Variants in INPP5B observed in about 807,000 individuals in gnomAD.
INPP5B encodes type II inositol 1,4,5-trisphosphate 5-phosphatase.
Under a neutral mutation model 118.5 loss-of-function variants are expected in INPP5B, and 90 were observed. The observed-to-expected ratio is 0.76, with a 90% CI of 0.64 to 0.90. The LOEUF (loss-of-function observed/expected upper bound fraction) is 0.90. Ranked by LOEUF, INPP5B falls within the 40% of genes least tolerant of loss-of-function variation. The pLI, the probability that INPP5B is intolerant of heterozygous loss-of-function variation, is 0.00. For missense variants in INPP5B, 984 were observed against 1,125.6 expected, an observed-to-expected ratio of 0.87 and a Z score of 1.80; for synonymous variants, 385 against 418.9, an observed-to-expected ratio of 0.92 and a Z score of 0.99.
intron 7 of INPP5B, among the ~76,000 whole-genome samples, chr1:37,920,589 C>T (rs956941803): frequency 6.6e-5 from 10 of 151,520 alleles, no homozygotes; most frequent in Non-Finnish European, 1.2e-4. Flanking sequence ...CACTTGGACC[C>T]AGGAGGCGGA....
At chr1:37,887,058 C>G in intron 11 of INPP5B, 54 bp from the exon 12 acceptor site, 1 of 1,419,944 alleles carries the variant, frequency 7.0e-7, no homozygotes, top group South Asian at 1.2e-5. Context: ...AATAAATACC[C>G]CAAAGGAAAC....
At chr1:37,909,735 T>C (rs1160414661) in intron 7 of INPP5B, among the ~76,000 whole-genome samples, 1 of 152,158 alleles carries the variant, frequency 6.6e-6, no homozygotes, top group Non-Finnish European at 1.5e-5. Context: ...AATTAGATTC[T>C]GGCCTTCAAC....
chr1:37,927,294 C>T (rs1190514409), intron 7 of INPP5B, among the ~76,000 whole-genome samples: 1 of 142,732 alleles, frequency 7.0e-6, no homozygotes, highest in Non-Finnish European at 1.5e-5. Context: ...GACTCCGTCT[C>T]AAAAAAAAAA....
At chr1:37,923,848 T>C (rs1645135552) in intron 7 of INPP5B, among the ~76,000 whole-genome samples, 1 of 151,832 alleles carries the variant, frequency 6.6e-6, no homozygotes, top group Admixed American at 6.6e-5. Flanking sequence ...TGATCTCTGC[T>C]CACTGCAACC....
rs192304890 is a variant in INPP5B at position 37,889,357 on chromosome 1, C to T, written c.797+200G>A. Among the ~76,000 whole-genome samples, 5 of 152,324 alleles carry T rather than the reference C, an allele frequency of 3.3e-5. No homozygotes were observed. In the East Asian group the frequency reaches 7.7e-4, roughly 23 times the overall value. ...TCGTGTCACTCCCACTATACCACACCTATCACCGTGCCCACCTAGAAAGGG... is the reference window on the plus strand; with the variant it reads ...TCGTGTCACTCCCACTATACCACACTTATCACCGTGCCCACCTAGAAAGGG... On this transcript the variant is annotated intron_variant, in intron 9 of 23. Coordinates refer to ENST00000373024, the MANE Select transcript of INPP5B (RefSeq NM_005540.3).
At chr1:37,875,276 C>CT (rs146816630) in intron 17 of INPP5B, among the ~76,000 whole-genome samples, 14,460 of 150,322 alleles carry the variant, frequency 0.096, 851 homozygotes, top group Middle Eastern at 0.24. Context: ...CAACACTAAT[C>CT]TTTTTTTTTT....
intron 7 of INPP5B, among the ~76,000 whole-genome samples, chr1:37,904,986 G>A (rs1644458014): frequency 6.6e-6 from 1 of 152,190 alleles, no homozygotes; most frequent in Non-Finnish European, 1.5e-5. Context: ...TAAGAATTGG[G>A]TTTAACATTA....
At chr1:37,883,948 G>T in intron 13 of INPP5B, 1 of 643,568 alleles carries the variant, frequency 1.6e-6, no homozygotes, top group Non-Finnish European at 1.9e-6. Context: ...AAGTTGTAGA[G>T]ATAAATGAGA....
At chr1:37,888,384 A>G in intron 9 of INPP5B, 40 bp from the exon 10 acceptor site, 2 of 1,307,490 alleles carry the variant, frequency 1.5e-6, no homozygotes, top group East Asian at 2.6e-5. Flanking sequence ...CCGAATCACT[A>G]TGGAGATAAC....
At chr1:37,913,224 T>A (rs1206240931) in intron 7 of INPP5B, among the ~76,000 whole-genome samples, 1 of 152,164 alleles carries the variant, frequency 6.6e-6, no homozygotes, top group East Asian at 1.9e-4. Context: ...GCCACTGCAC[T>A]CCAGCCTGGG....
intron 7 of INPP5B, among the ~76,000 whole-genome samples, chr1:37,892,967 A>C (rs1473655199): frequency 6.6e-6 from 1 of 152,114 alleles, no homozygotes; most frequent in East Asian, 1.9e-4. Context: ...CAGACATTGA[A>C]TCTGCCAGCA....
At chr1:37,912,299 A>T (rs1441232976) in intron 7 of INPP5B, among the ~76,000 whole-genome samples, 1 of 152,156 alleles carries the variant, frequency 6.6e-6, no homozygotes, top group Non-Finnish European at 1.5e-5. Flanking sequence ...ATCATTCCAG[A>T]ATAAAGCTGT....
chr1:37,894,805 G>C (rs1193001404), intron 7 of INPP5B, among the ~76,000 whole-genome samples: 1 of 152,110 alleles, frequency 6.6e-6, no homozygotes, highest in Admixed American at 6.6e-5. Context: ...AGGTCTCCCA[G>C]TGCTGGGATT....
In INPP5B at chr1:37,868,506, G is replaced by A. The variant is rs891102753; in HGVS notation, c.2296C>T (p.Gln766Ter). ...AATGCTTAAACACAACCTACCTGCT[G>A]GACAGCATTTCGGTACAGGTAATCA... is the stretch of plus-strand genomic sequence containing the variant. ...MVDYLYRNAVQQEDLFQQPGL... is the reference protein window; with the variant it reads ...MVDYLYRNAV The change falls in exon 20 of 24, where the codon CAG (glutamine) becomes TAG (stop). Residue 766 changes from glutamine (Q) to a stop codon, truncating the protein, a stop_gained. Transcript: ENST00000373024. LOFTEE classifies it high-confidence loss of function. 1.2e-6 allele frequency: 2 copies of A among 1,610,406 alleles called. No homozygotes were observed.
intron 20 of INPP5B, among the ~76,000 whole-genome samples, 177 bp downstream of exon 20, chr1:37,868,324 A>AG (rs1642178565): frequency 6.6e-6 from 1 of 151,770 alleles, no homozygotes; most frequent in Non-Finnish European, 1.5e-5. Flanking sequence ...AAAAAAAAAA[A>AG]AAAAAAAAAT....
At chr1:37,900,340 C>T (rs1456893674) in intron 7 of INPP5B, among the ~76,000 whole-genome samples, 73 of 151,164 alleles carry the variant, frequency 4.8e-4, no homozygotes, top group Non-Finnish European at 8.9e-4. Context: ...CTGCAACCTC[C>T]GCCTCCAAGG....
In INPP5B at chr1:37,891,342, G is replaced by T; in HGVS notation, c.629+16C>A. The T allele has an allele frequency of 6.3e-7, 1 of 1,592,280 alleles. No individual in the cohort carries two copies. Among genetic ancestry groups the T allele is most frequent in the Non-Finnish European group, 8.6e-7 (1 of 1,160,180 alleles). Reference sequence around the variant, plus strand: ...CTCAGTCCTACAAGGGACAAGTGAAGGGAGAGTTGCATTACCTTGGTTGCA... The same window carrying T: ...CTCAGTCCTACAAGGGACAAGTGAATGGAGAGTTGCATTACCTTGGTTGCA... On this transcript the variant is annotated intron_variant, in intron 8 of 23. Transcript: ENST00000373024.
intron 14 of INPP5B, among the ~76,000 whole-genome samples, chr1:37,882,042 C>T (rs1478633429): frequency 6.6e-6 from 1 of 150,556 alleles, no homozygotes; most frequent in African/African-American, 2.4e-5. Flanking sequence ...GAGGTTGCAG[C>T]GAGCTGAGGT....
chr1:37,916,489 T>TAGAGTGCAATGG (rs1644868986), intron 7 of INPP5B, among the ~76,000 whole-genome samples: 1 of 151,460 alleles, frequency 6.6e-6, no homozygotes, highest in Non-Finnish European at 1.5e-5. Context: ...CGATCTCGGC[T>TAGAGTGCAATGG]CACCACAACC....
Sources: gnomAD v4.1 joint callset for allele counts (sites outside exome capture counted in the v4.1 genomes callset) on GRCh38, gnomAD v4.1.1 for gene constraint, MANE v1.5 for transcripts, NCBI Gene and HGNC (gene_info 2026-07-23, HGNC 2026-07-21) for gene names.